Variants in TRPM3 observed in about 807,000 individuals in gnomAD.
TRPM3 encodes long transient receptor potential channel 3.
A neutral mutation model predicts 181.2 loss-of-function variants in TRPM3; 77 were observed. The observed-to-expected ratio is 0.42, with a 90% CI of 0.35 to 0.51. The LOEUF (loss-of-function observed/expected upper bound fraction) is 0.51, where lower values mean the gene tolerates loss of function less well. Ranked by LOEUF, TRPM3 falls within the 20% of genes least tolerant of loss-of-function variation. The pLI is 0.01. For synonymous variants in TRPM3, 745 were observed against 796.4 expected (o/e 0.94, Z 1.09); for missense variants, 1,759 against 2,196.7 (o/e 0.80, Z 3.98).
At chr9:70,998,873 T>G (rs1188887739) in intron 1 of TRPM3, among the ~76,000 whole-genome samples, 1 of 152,222 alleles carries the variant, frequency 6.6e-6, no homozygotes, top group East Asian at 1.9e-4. Context: ...TTTAAACTTT[T>G]ACTTTCTCCT....
intron 1 of TRPM3, among the ~76,000 whole-genome samples, chr9:70,950,631 C>T (rs2096988003): frequency 6.6e-6 from 1 of 152,102 alleles, no homozygotes; most frequent in Admixed American, 6.6e-5. Context: ...TGGGCAGAGA[C>T]AGGTTTGGAA....
At chr9:70,831,239 A>G (rs1471763749) in intron 5 of TRPM3, among the ~76,000 whole-genome samples, 2 of 152,190 alleles carry the variant, frequency 1.3e-5, no homozygotes, top group Non-Finnish European at 2.9e-5. Flanking sequence ...TAATTTACAT[A>G]TCTAAAAAGA....
chr9:71,271,543 TC>T (rs1482359230), intron 1 of TRPM3, among the ~76,000 whole-genome samples: 10 of 151,844 alleles, frequency 6.6e-5, no homozygotes, highest in Non-Finnish European at 1.2e-4. Context: ...GGCCTCAGAT[TC>T]TATGCAAGAT....
At chr9:71,071,232 G>A (rs1368819066) in intron 1 of TRPM3, among the ~76,000 whole-genome samples, 1 of 152,150 alleles carries the variant, frequency 6.6e-6, no homozygotes, top group African/African-American at 2.4e-5. Flanking sequence ...TTGGGAAAGA[G>A]GCCACCTTAG....
chr9:71,183,216 G>T (rs747672050), intron 1 of TRPM3, among the ~76,000 whole-genome samples: 1 of 151,966 alleles, frequency 6.6e-6, no homozygotes, highest in Non-Finnish European at 1.5e-5. Context: ...TACTGGATCC[G>T]CACAGTCAAA....
chr9:70,846,302 A>C, intron 4 of TRPM3, 76 bp downstream of exon 4: 1 of 1,396,162 alleles, frequency 7.2e-7, no homozygotes, highest in Non-Finnish European at 1.0e-6. Context: ...AGAAATAATT[A>C]ATCTTAGCAG....
intron 1 of TRPM3, among the ~76,000 whole-genome samples, chr9:70,932,573 T>A (rs1377486570): frequency 6.6e-6 from 1 of 152,202 alleles, no homozygotes; most frequent in African/African-American, 2.4e-5. Flanking sequence ...AAACAATGTA[T>A]CTTGACCTAG....
intron 7 of TRPM3, among the ~76,000 whole-genome samples, chr9:70,777,617 C>G (rs1983942): frequency 0.22 from 33,615 of 151,930 alleles, 4,493 homozygotes; most frequent in Non-Finnish European, 0.3. Flanking sequence ...GTGGTATTTT[C>G]TCCATGACAC....
intron 1 of TRPM3, among the ~76,000 whole-genome samples, chr9:71,337,677 CA>C (rs1588558088): frequency 6.6e-6 from 1 of 152,154 alleles, no homozygotes; most frequent in East Asian, 1.9e-4. Flanking sequence ...GATTTGGAAC[CA>C]ACCCAAATTC....
At chr9:70,799,295 A>G (rs2088186599) in intron 6 of TRPM3, among the ~76,000 whole-genome samples, 4 of 151,838 alleles carry the variant, frequency 2.6e-5, no homozygotes, top group Admixed American at 2.6e-4. Context: ...CATTAAAGTA[A>G]CCATTATCAT....
intron 8 of TRPM3, among the ~76,000 whole-genome samples, chr9:70,686,819 C>CT: frequency 1.2e-5 from 1 of 80,440 alleles, no homozygotes; most frequent in Non-Finnish European, 2.5e-5. Flanking sequence ...CTTTTCTTTT[C>CT]TTTTTCTTTT....
chr9:70,741,944 C>T (rs1286089266), intron 8 of TRPM3, among the ~76,000 whole-genome samples: 1 of 152,126 alleles, frequency 6.6e-6, no homozygotes, highest in Non-Finnish European at 1.5e-5. Context: ...TGTAACCAAA[C>T]ACCATCTGTT....
intron 1 of TRPM3, among the ~76,000 whole-genome samples, chr9:71,361,693 T>C (rs577203832): frequency 6.6e-5 from 10 of 152,300 alleles, no homozygotes; most frequent in Admixed American, 2.6e-4. Flanking sequence ...ATGGAGCAAC[T>C]TCTGGTGTTA....
intron 1 of TRPM3, among the ~76,000 whole-genome samples, chr9:70,990,492 G>T (rs1222249240): frequency 6.6e-6 from 1 of 152,112 alleles, no homozygotes; most frequent in Non-Finnish European, 1.5e-5. Context: ...AGATAAAAAG[G>T]TCTTGAACGG....
chr9:71,322,042 T>C lies in TRPM3; in HGVS notation c.183+124611A>G, dbSNP rs2089270051. Among the ~76,000 whole-genome samples the C allele has an allele frequency of 2.0e-5, 3 of 152,152 alleles. No individual in the cohort carries two copies. The South Asian group carries it at 6.2e-4, about 31-fold the overall frequency. On this transcript the variant is annotated intron_variant, in intron 1 of 24. Coordinates refer to the TRPM3 transcript ENST00000357533. Reference sequence around the variant, plus strand: ...AGAAAGCTAAATGTTTAATTAAAAGTTGTAGATGAACTAGCCTATGAGTTA... The same window carrying C: ...AGAAAGCTAAATGTTTAATTAAAAGCTGTAGATGAACTAGCCTATGAGTTA...
At chr9:70,936,403 A>G (rs955536631) in intron 1 of TRPM3, among the ~76,000 whole-genome samples, 37 of 152,204 alleles carry the variant, frequency 2.4e-4, no homozygotes, top group African/African-American at 4.8e-5. Flanking sequence ...TTAGCTAATG[A>G]TAGAGTTCCA....
intron 1 of TRPM3, among the ~76,000 whole-genome samples, chr9:71,284,197 A>G (rs2085086200): frequency 6.6e-6 from 1 of 152,272 alleles, no homozygotes; most frequent in Non-Finnish European, 1.5e-5. Context: ...GAAATGTCAT[A>G]AAAGCAAACC....
At chr9:71,274,487 G>A (rs1324471489) in intron 1 of TRPM3, among the ~76,000 whole-genome samples, 1 of 152,104 alleles carries the variant, frequency 6.6e-6, no homozygotes, top group Non-Finnish European at 1.5e-5. Context: ...GACAGTTAAG[G>A]GGCCCTACAA....
At chr9:70,573,012 T>C (rs892383022) in intron 22 of TRPM3, among the ~76,000 whole-genome samples, 15 of 152,204 alleles carry the variant, frequency 9.9e-5, no homozygotes, top group Admixed American at 5.9e-4. Context: ...ATAATTTATC[T>C]GTACATGTAG....
Sources: gnomAD v4.1 joint callset for allele counts (sites outside exome capture counted in the v4.1 genomes callset) on GRCh38, gnomAD v4.1.1 for gene constraint, MANE v1.5 for transcripts, NCBI Gene and HGNC (gene_info 2026-07-23, HGNC 2026-07-21) for gene names.